The following MKLN1 variants were observed in gnomAD, a reference collection of about 807,000 sequenced individuals.
The protein encoded by MKLN1 is muskelin 1.
MKLN1 carries 18 observed loss-of-function variants against 99.0 expected under a neutral mutation model. The observed-to-expected ratio is 0.18, with a 90% CI of 0.13 to 0.27. The LOEUF is 0.27. Among genes scored for constraint, MKLN1 ranks in the 10% least tolerant of loss-of-function variants. The pLI, the probability that MKLN1 is intolerant of heterozygous loss-of-function variation, is 1.00. For synonymous variants in MKLN1, 288 were observed against 293.2 expected (o/e 0.98, Z 0.18); for missense variants, 621 against 875.9 (o/e 0.71, Z 3.67).
At chr7:131,176,600 A>G (rs1796302664) in intron 2 of MKLN1, among the ~76,000 whole-genome samples, 1 of 152,226 alleles carries the variant, frequency 6.6e-6, no homozygotes. Flanking sequence ...ACTGGCCCAC[A>G]TTCATCCTTC....
chr7:131,478,785 T>G, intron 17 of MKLN1, 108 bp downstream of exon 17: 1 of 1,287,968 alleles, frequency 7.8e-7, no homozygotes, highest in Non-Finnish European at 1.1e-6. Context: ...GTCAAATAGA[T>G]GAGCAAATGA....
At chr7:131,336,623 A>G (rs1369608886) in intron 1 of MKLN1, among the ~76,000 whole-genome samples, 3 of 152,134 alleles carry the variant, frequency 2.0e-5, no homozygotes, top group Non-Finnish European at 2.9e-5. Flanking sequence ...GTTACGCTAG[A>G]TCACCACAAG....
chr7:131,237,003 CA>C (rs896260080), intron 3 of MKLN1, among the ~76,000 whole-genome samples: 7 of 151,688 alleles, frequency 4.6e-5, no homozygotes, highest in Non-Finnish European at 1.0e-4. Context: ...AAAGAAAAGA[CA>C]AAAAAAATGA....
intron 1 of MKLN1, among the ~76,000 whole-genome samples, chr7:131,329,013 C>T (rs1438953030): frequency 2.6e-5 from 4 of 152,114 alleles, no homozygotes; most frequent in Non-Finnish European, 1.5e-5. Context: ...TGCTAGTTGT[C>T]CCTCTAACCA....
intron 2 of MKLN1, among the ~76,000 whole-genome samples, chr7:131,179,078 C>T (rs1164478058): frequency 6.6e-6 from 1 of 152,084 alleles, no homozygotes. Context: ...AAATAAATAC[C>T]TTTCTTGACT....
chr7:131,126,560 AT>A (rs1186985385), intron 1 of MKLN1, among the ~76,000 whole-genome samples: 2 of 151,326 alleles, frequency 1.3e-5, no homozygotes, highest in Admixed American at 6.6e-5. Context: ...TACCATATAT[AT>A]TTTTTTTTCC....
intron 3 of MKLN1, among the ~76,000 whole-genome samples, chr7:131,313,117 A>T (rs1305221952): frequency 1.3e-5 from 2 of 152,232 alleles, no homozygotes; most frequent in Non-Finnish European, 2.9e-5. Context: ...ATCTAGGCAA[A>T]CATGTCTAAA....
chr7:131,224,259 G>A (rs1392446128), intron 3 of MKLN1, among the ~76,000 whole-genome samples: 1 of 152,138 alleles, frequency 6.6e-6, no homozygotes, highest in Non-Finnish European at 1.5e-5. Context: ...TTAAAAATTA[G>A]CTGGGGCTGG....
chr7:131,361,858 T>C (rs1584650324), intron 1 of MKLN1, among the ~76,000 whole-genome samples: 2 of 151,058 alleles, frequency 1.3e-5, no homozygotes, highest in Non-Finnish European at 3.0e-5. Context: ...TATTCTGTTA[T>C]GTATGACATT....
At chr7:131,468,246 C>A (rs1289579600) in intron 15 of MKLN1, among the ~76,000 whole-genome samples, 2 of 152,282 alleles carry the variant, frequency 1.3e-5, no homozygotes, top group Middle Eastern at 3.4e-3. Context: ...ACTACTAATT[C>A]AGACAATAAA....
At chr7:131,432,831 C>G (rs1389988120) in intron 9 of MKLN1, among the ~76,000 whole-genome samples, 1 of 152,140 alleles carries the variant, frequency 6.6e-6, no homozygotes, top group Non-Finnish European at 1.5e-5. Flanking sequence ...CTTCTTTATT[C>G]AGTTGCTGTA....
chr7:131,138,177 T>C (rs1030132710), intron 1 of MKLN1, among the ~76,000 whole-genome samples: 8 of 151,786 alleles, frequency 5.3e-5, no homozygotes, highest in African/African-American at 1.9e-4. Flanking sequence ...TACCCACCTC[T>C]GCCTCTGCCT....
rs398006316 is a variant in MKLN1 at position 131,340,275 on chromosome 7, C to CTTTTTTTT, written c.98+12292_98+12299dup. Among the ~76,000 whole-genome samples the CTTTTTTTT allele has an allele frequency of 2.0e-4, 17 of 85,044 alleles. 2 individuals carry two copies. Among genetic ancestry groups the CTTTTTTTT allele is most frequent in the East Asian group, 4.1e-4 (1 of 2,452 alleles). 55.8% of individuals were successfully genotyped at this position (85,044 alleles called of 152,430 possible). A position where few individuals can be genotyped will look rare whatever the true frequency, so the allele number is the denominator to read the frequency against. ...CATTTTTTACAGTTTGTAATTACGG[C>CTTTTTTTT]TTTTTTTTTTTTTTTTTTTTTGAGA... On this transcript the variant is annotated intron_variant, in intron 1 of 17. Transcript: ENST00000352689.
chr7:131,228,764 A>G (rs1167323908), intron 3 of MKLN1, among the ~76,000 whole-genome samples: 3 of 152,260 alleles, frequency 2.0e-5, no homozygotes, highest in Non-Finnish European at 2.9e-5. Flanking sequence ...TAAAAGATCC[A>G]TGCTACATTT....
intron 5 of MKLN1, among the ~76,000 whole-genome samples, chr7:131,398,453 G>A (rs1375314272): frequency 6.6e-6 from 1 of 152,094 alleles, no homozygotes; most frequent in Admixed American, 6.5e-5. Context: ...CAGCACTTTG[G>A]GAGACCAAAG....
intron 2 of MKLN1, among the ~76,000 whole-genome samples, chr7:131,162,530 T>C (rs535980826): frequency 1.3e-5 from 2 of 152,230 alleles, no homozygotes; most frequent in African/African-American, 4.8e-5. Flanking sequence ...ATAAAAACTT[T>C]GTTTCATGCA....
chr7:131,276,181 T>G (rs1268979708), intron 3 of MKLN1, among the ~76,000 whole-genome samples: 1 of 152,196 alleles, frequency 6.6e-6, no homozygotes, highest in Non-Finnish European at 1.5e-5. Flanking sequence ...TGTCCCCCTC[T>G]CCTTTATTCT....
At chr7:131,160,985 A>G (rs953506496) in intron 2 of MKLN1, among the ~76,000 whole-genome samples, 2 of 152,096 alleles carry the variant, frequency 1.3e-5, no homozygotes, top group African/African-American at 4.8e-5. Flanking sequence ...GGGGTTTCAT[A>G]AGTCAGTACC....
intron 2 of MKLN1, among the ~76,000 whole-genome samples, chr7:131,188,487 A>G (rs1204462555): frequency 6.6e-6 from 1 of 152,172 alleles, no homozygotes; most frequent in Non-Finnish European, 1.5e-5. Flanking sequence ...GGAGTGGCTC[A>G]TCTTGACTCC....
Sources: gnomAD v4.1 joint callset for allele counts (sites outside exome capture counted in the v4.1 genomes callset) on GRCh38, gnomAD v4.1.1 for gene constraint, MANE v1.5 for transcripts, NCBI Gene and HGNC (gene_info 2026-07-23, HGNC 2026-07-21) for gene names.